Variants in CC2D2B observed in about 807,000 individuals in gnomAD.
CC2D2B encodes the protein coiled-coil and C2 domain containing 2B, also known as protein CC2D2B.
Under a neutral mutation model 161.2 loss-of-function variants are expected in CC2D2B, and 128 were observed. The observed-to-expected ratio is 0.79, with a 90% CI of 0.69 to 0.92. The LOEUF is 0.92. Ranked by LOEUF, CC2D2B falls within the 40% of genes least tolerant of loss-of-function variation. The probability of loss-of-function intolerance (pLI) is 0.00; values close to 1 mark genes in which losing one functional copy is unlikely to be tolerated. For synonymous variants in CC2D2B, 391 were observed against 449.8 expected, an observed-to-expected ratio of 0.87 and a Z score of 1.65; for missense variants, 1,173 against 1,375.1, an observed-to-expected ratio of 0.85 and a Z score of 2.32.
At chr10:95,967,296 G>C (rs867450581) in intron 14 of CC2D2B, among the ~76,000 whole-genome samples, 2 of 152,086 alleles carry the variant, frequency 1.3e-5, no homozygotes, top group Non-Finnish European at 2.9e-5. Context: ...ACAAGGGGAA[G>C]AATACAGGAG....
At chr10:95,947,007 G>A (rs2076219192) in intron 9 of CC2D2B, among the ~76,000 whole-genome samples, 1 of 146,402 alleles carries the variant, frequency 6.8e-6, no homozygotes, top group African/African-American at 2.5e-5. Flanking sequence ...CTCGTAAATT[G>A]CATTACTGAA....
intron 25 of CC2D2B, among the ~76,000 whole-genome samples, chr10:96,004,511 T>C (rs1041299802): frequency 5.3e-5 from 8 of 152,298 alleles, no homozygotes; most frequent in Middle Eastern, 3.4e-3. Context: ...CAATTGAACA[T>C]TACAATTAAA....
intron 22 of CC2D2B, among the ~76,000 whole-genome samples, chr10:95,994,446 C>A (rs1050017074): frequency 2.0e-5 from 3 of 152,184 alleles, no homozygotes; most frequent in Non-Finnish European, 4.4e-5. Context: ...GGACAAGGAG[C>A]GTGACCATTG....
chr10:95,981,524 G>GTTT (rs943005146), intron 17 of CC2D2B, among the ~76,000 whole-genome samples: 8 of 151,656 alleles, frequency 5.3e-5, no homozygotes, highest in South Asian at 2.1e-4. Flanking sequence ...CCTAAATGTG[G>GTTT]TTTTTATTTT....
chr10:95,949,659 A>AAT lies in CC2D2B; in HGVS notation c.802-236_802-235insTA, dbSNP rs1461732025. 2.1e-4 allele frequency among the ~76,000 whole-genome samples: 20 copies of AAT among 97,374 alleles called. No individual in the cohort carries two copies. The Admixed American group carries it at 2.3e-3, about 11-fold the overall frequency. The allele number at this position is 97,374 out of a possible 152,430, so 63.9% of individuals were successfully genotyped here. ...GTACCCTAAAACTTAGAGTATAATAAAAAAAAAAATTAAAAAAAAAAATAG... is the reference window on the plus strand; with the variant it reads ...GTACCCTAAAACTTAGAGTATAATAAATAAAAAAAAATTAAAAAAAAAAATAG... On this transcript the variant is annotated intron_variant, in intron 9 of 34. Transcript: ENST00000646931.
intron 12 of CC2D2B, 73 bp downstream of exon 12, chr10:95,962,042 ACTAG>A: frequency 9.1e-7 from 1 of 1,096,114 alleles, no homozygotes; most frequent in Non-Finnish European, 1.2e-6. Context: ...ATTCACAGTG[ACTAG>A]GAAGACATCC....
rs572166952 is a variant in CC2D2B, at chr10:96,033,696, C to A, written c.*1688C>A. 6.6e-6 allele frequency among the ~76,000 whole-genome samples: 1 copy of A among 152,172 alleles called. No homozygotes were observed. The highest frequency in any genetic ancestry group is 2.1e-4 in the South Asian group (1 of 4,810). On this transcript the variant is annotated 3_prime_UTR_variant, in exon 35 of 35. Coordinates refer to ENST00000646931, the MANE Select transcript of CC2D2B (RefSeq NM_001349008.3). ...CATGGAGGACCTTTTTATATTGTAT[C>A]CTTTTTACATGAGTGTTACTTTTTC... is the stretch of plus-strand genomic sequence containing the variant.
At chr10:95,932,888 G>T (rs1039118141) in intron 6 of CC2D2B, among the ~76,000 whole-genome samples, 4 of 152,138 alleles carry the variant, frequency 2.6e-5, no homozygotes, top group African/African-American at 9.7e-5. Context: ...GAGTATCTTT[G>T]TGGTATTCTC....
At chr10:95,974,603 A>T (rs2077250887) in intron 17 of CC2D2B, among the ~76,000 whole-genome samples, 1 of 152,208 alleles carries the variant, frequency 6.6e-6, no homozygotes, top group African/African-American at 2.4e-5. Flanking sequence ...AATGATGATA[A>T]TGCTGGCTTC....
chr10:95,974,527 T>G (rs1403846194), intron 17 of CC2D2B, among the ~76,000 whole-genome samples: 2 of 151,998 alleles, frequency 1.3e-5, no homozygotes, highest in Admixed American at 6.5e-5. Flanking sequence ...CCCAGAAGGG[T>G]TGGGGTTAAT....
At chr10:96,017,496 T>C (rs564647429) in intron 30 of CC2D2B, among the ~76,000 whole-genome samples, 15 of 152,220 alleles carry the variant, frequency 9.9e-5, no homozygotes, top group South Asian at 6.2e-4. Context: ...ACCTCAGCCA[T>C]GGGGTTAAGG....
intron 33 of CC2D2B, among the ~76,000 whole-genome samples, chr10:96,025,527 G>A (rs913206743): frequency 7.9e-5 from 12 of 152,232 alleles, no homozygotes; most frequent in Admixed American, 7.2e-4. Flanking sequence ...ATAGATGCCT[G>A]TTGGAGCCTA....
chr10:95,988,559 A>G (rs1285099620), intron 20 of CC2D2B, among the ~76,000 whole-genome samples: 1 of 151,930 alleles, frequency 6.6e-6, no homozygotes, highest in African/African-American at 2.4e-5. Context: ...GCACATCCCA[A>G]CCTTTTCTGT....
In CC2D2B at chr10:96,031,966, A is replaced by C; in HGVS notation, c.4272A>C (p.Leu1424Phe). Reference protein sequence around the residue: ...VYIHPYPNNILSVWVYLASLV... With the variant: ...VYIHPYPNNIFSVWVYLASLV... ...TTCACCCATACCCAAACAACATATT[A>C]TCTGTGTGGGTCTATTTGGCTTCCT... The change falls in exon 35 of 35, where the codon TTA (leucine) becomes TTC (phenylalanine). Residue 1424 changes from leucine (L) to phenylalanine (F), a missense_variant. Transcript: ENST00000646931. The C allele has an allele frequency of 6.2e-7, 1 of 1,613,572 alleles. No homozygotes were observed. Among genetic ancestry groups the C allele is most frequent in the Non-Finnish European group, 8.5e-7 (1 of 1,179,618 alleles).
rs201113470 is a variant in CC2D2B, at chr10:95,999,635, CATT to C, written c.2849+3386_2849+3388del. 1,094 of 163,656 alleles carry C rather than the reference CATT, an allele frequency of 6.7e-3. 13 individuals carry two copies. The highest frequency in any genetic ancestry group is 0.023 in the African/African-American group (976 of 41,586). 10.1% of individuals were successfully genotyped at this position (163,656 alleles called of 1,614,324 possible). ...ATACATTAAATTTGACTAGTAAAGA[CATT>C]ATATAATGCATTAGGACACAATTAA... is the stretch of plus-strand genomic sequence containing the variant. On this transcript the variant is annotated intron_variant, in intron 24 of 34. Transcript: ENST00000646931.
At chr10:95,963,636 A>C (rs2076841795) in intron 12 of CC2D2B, among the ~76,000 whole-genome samples, 1 of 152,150 alleles carries the variant, frequency 6.6e-6, no homozygotes, top group Non-Finnish European at 1.5e-5. Flanking sequence ...GGCATGGTAG[A>C]GGAGGAGAAA....
intron 6 of CC2D2B, among the ~76,000 whole-genome samples, chr10:95,937,779 C>T (rs1454930948): frequency 6.6e-6 from 1 of 152,018 alleles, no homozygotes; most frequent in East Asian, 1.9e-4. Flanking sequence ...CAAAGATGGG[C>T]TATAGAAAAA....
chr10:96,012,559 A>G lies in CC2D2B; in HGVS notation c.3256A>G (p.Arg1086Gly), dbSNP rs1564669658. Residue 1086 changes from arginine to glycine, a missense_variant, in exon 28 of 35, where the codon AGA becomes GGA. Physicochemically the swap from Arg to Gly is moderately radical, Grantham distance 125. Transcript: ENST00000646931. ...TTTAGATCAAACAGAGGTCTTGCAG[A>G]GAGCACAGATTTTTAAAAAGAATTG... ...KFLDQTEVLQ[R>G]AQIFKKNCKA... 6.2e-7 allele frequency: 1 copy of G among 1,612,646 alleles called. No homozygotes were observed. The highest frequency in any genetic ancestry group is 8.5e-7 in the Non-Finnish European group (1 of 1,178,790).
intron 30 of CC2D2B, 92 bp downstream of exon 30, chr10:96,016,406 C>T (rs2079201890): frequency 2.4e-6 from 2 of 822,202 alleles, no homozygotes; most frequent in South Asian, 1.4e-5. Context: ...AGGTTTCCAT[C>T]TCTTCACAAA....
Sources: allele counts gnomAD v4.1 joint callset (sites outside exome capture counted in the v4.1 genomes callset), GRCh38; gene constraint gnomAD v4.1.1; transcripts MANE v1.5; gene names NCBI Gene and HGNC (gene_info 2026-07-23, HGNC 2026-07-21).